The following WARS2 variants were observed in gnomAD, a reference collection of about 807,000 sequenced individuals.
WARS2 encodes the protein tryptophan--tRNA ligase, mitochondrial.
A neutral mutation model predicts 36.5 loss-of-function variants in WARS2; 28 were observed. The ratio of observed to expected loss-of-function variants is 0.77; its 90% confidence interval spans 0.57 to 1.05. The LOEUF (loss-of-function observed/expected upper bound fraction) is 1.05. Among genes scored for constraint, WARS2 ranks in the 50% least tolerant of loss-of-function variants. The pLI is 0.00. For synonymous variants in WARS2, 174 were observed against 178.4 expected, an observed-to-expected ratio of 0.98 and a Z score of 0.20; for missense variants, 435 against 456.8, an observed-to-expected ratio of 0.95 and a Z score of 0.44.
intron 1 of WARS2, among the ~76,000 whole-genome samples, chr1:119,095,820 C>T (rs1209451182): frequency 6.6e-6 from 1 of 152,176 alleles, no homozygotes; most frequent in Non-Finnish European, 1.5e-5. Flanking sequence ...AACTGGCAAT[C>T]TATATAGAGA....
intron 1 of WARS2, among the ~76,000 whole-genome samples, chr1:119,078,157 C>G (rs779126986): frequency 6.6e-6 from 1 of 152,142 alleles, no homozygotes; most frequent in African/African-American, 2.4e-5. Context: ...GACTTCAAAG[C>G]CCATGTATGC....
At chr1:119,047,021 T>C (rs1369007387) in intron 2 of WARS2, among the ~76,000 whole-genome samples, 1 of 152,220 alleles carries the variant, frequency 6.6e-6, no homozygotes, top group Non-Finnish European at 1.5e-5. Context: ...GAATCACTTT[T>C]AAAGTTTTGC....
chr1:119,085,782 T>C, intron 1 of WARS2: 5 of 1,604,250 alleles, frequency 3.1e-6, no homozygotes, highest in Admixed American at 1.7e-5. Flanking sequence ...CTCCCCATAC[T>C]GTGAGAACAC....
intron 1 of WARS2, among the ~76,000 whole-genome samples, chr1:119,102,188 G>A (rs1165310814): frequency 6.6e-6 from 1 of 152,184 alleles, no homozygotes; most frequent in East Asian, 1.9e-4. Flanking sequence ...GTTGAGGAGT[G>A]GGAACACAAC....
intron 1 of WARS2, among the ~76,000 whole-genome samples, chr1:119,138,101 T>C (rs936317664): frequency 2.2e-4 from 34 of 152,148 alleles, no homozygotes; most frequent in Admixed American, 2.0e-3. Context: ...ATATGATAAA[T>C]ATACATTTTT....
chr1:119,032,867 G>T lies in WARS2; in HGVS notation c.*44C>A. 6.6e-7 allele frequency: 1 copy of T among 1,526,070 alleles called. No homozygotes were observed. The highest frequency in any genetic ancestry group is 1.2e-5 in the South Asian group (1 of 81,218). The allele number at this position is 1,526,070 out of a possible 1,614,324, so 94.5% of individuals were successfully genotyped here. On this transcript the variant is annotated 3_prime_UTR_variant, in exon 6 of 6. Coordinates refer to ENST00000235521, the MANE Select transcript of WARS2 (RefSeq NM_015836.4). ...GAAAGCTGCCGTTATCAGAATGCAT[G>T]GAGTGCAAGGCACAAAAGCCTTGCT...
chr1:119,138,578 C>A (rs1001844426), intron 1 of WARS2, among the ~76,000 whole-genome samples: 23 of 152,114 alleles, frequency 1.5e-4, no homozygotes, highest in Admixed American at 1.4e-3. Context: ...TGTTTGTTCC[C>A]TTCCAGGCTT....
rs555647551 is a variant in WARS2, at chr1:119,062,321, G to A, written c.348+14029C>T. 4.9e-3 allele frequency among the ~76,000 whole-genome samples: 743 copies of A among 152,194 alleles called. 5 individuals are homozygous for A. The highest frequency in any genetic ancestry group is 0.017 in the Middle Eastern group (5 of 294). ...TAGACTAGTACCAAACATAACCTGT[G>A]GTGGTCTCATGATTCTGAATATTTA... On this transcript the variant is annotated intron_variant, in intron 2 of 5. Transcript: ENST00000235521.
chr1:119,067,484 C>T (rs1403676112), intron 2 of WARS2, among the ~76,000 whole-genome samples: 1 of 152,136 alleles, frequency 6.6e-6, no homozygotes, highest in Non-Finnish European at 1.5e-5. Flanking sequence ...CTCAAAAAAC[C>T]TTAGACAACA....
intron 1 of WARS2, among the ~76,000 whole-genome samples, chr1:119,109,682 A>G (rs1356095169): frequency 6.6e-6 from 1 of 151,922 alleles, no homozygotes; most frequent in Non-Finnish European, 1.5e-5. Context: ...TGGTATATTT[A>G]AACCAATGAC....
At chr1:119,065,858 A>T (rs1650799702) in intron 2 of WARS2, among the ~76,000 whole-genome samples, 1 of 152,210 alleles carries the variant, frequency 6.6e-6, no homozygotes, top group Non-Finnish European at 1.5e-5. Context: ...TATATCCATC[A>T]TTATGCGTTA....
At chr1:119,067,946 G>T (rs1019147325) in intron 2 of WARS2, among the ~76,000 whole-genome samples, 12 of 152,124 alleles carry the variant, frequency 7.9e-5, no homozygotes, top group Non-Finnish European at 1.6e-4. Context: ...TCACACAGGA[G>T]CATAGATCCA....
chr1:119,055,486 A>G (rs1371935125), intron 2 of WARS2, among the ~76,000 whole-genome samples: 1 of 152,092 alleles, frequency 6.6e-6, no homozygotes, highest in Non-Finnish European at 1.5e-5. Context: ...ATGGTGGTAC[A>G]AAAAGGTTAG....
chr1:119,115,481 C>A (rs907460820), intron 1 of WARS2, among the ~76,000 whole-genome samples: 1 of 152,148 alleles, frequency 6.6e-6, no homozygotes, highest in Admixed American at 6.5e-5. Context: ...GATGCCCTGA[C>A]ATGTTATTTT....
In WARS2 at chr1:119,033,040, C is replaced by G. The variant is rs530414325; in HGVS notation, c.954G>C (p.Lys318Asn). The G allele has an allele frequency of 8.5e-5, 138 of 1,614,114 alleles. No individual in the cohort carries two copies. Among genetic ancestry groups the G allele is most frequent in the Middle Eastern group, 1.6e-4 (1 of 6,084 alleles). Reference protein sequence around the residue: ...DAVIEKFAPIKREIEKLKLDK... With the variant: ...DAVIEKFAPINREIEKLKLDK... ...CCAGCTTCAGTTTTTCAATTTCACG[C>G]TTAATTGGGGCAAACTTCTCAATCA... The change falls in exon 6 of 6, where the codon AAG (lysine) becomes AAC (asparagine). Residue 318 changes from lysine to asparagine, a missense_variant. By Grantham distance (94) the Lys-to-Asn change is moderately conservative. Coordinates refer to ENST00000235521, the MANE Select transcript of WARS2 (RefSeq NM_015836.4).
At chr1:119,093,916 A>G (rs1020353108) in intron 1 of WARS2, among the ~76,000 whole-genome samples, 1 of 152,214 alleles carries the variant, frequency 6.6e-6, no homozygotes, top group South Asian at 2.1e-4. Context: ...AGACTGTGCA[A>G]GACCTGGGGC....
chr1:119,096,176 T>G (rs1008137189), intron 1 of WARS2, among the ~76,000 whole-genome samples: 3 of 152,224 alleles, frequency 2.0e-5, no homozygotes, highest in Non-Finnish European at 4.4e-5. Flanking sequence ...TTAAAAATTG[T>G]TATTAAGTTA....
intron 2 of WARS2, among the ~76,000 whole-genome samples, chr1:119,074,111 GA>G (rs1201532791): frequency 6.6e-6 from 1 of 152,198 alleles, no homozygotes; most frequent in East Asian, 1.9e-4. Context: ...TAGATGAAGT[GA>G]AGATGATGTG....
At position 119,045,633 on chromosome 1, in the gene WARS2, G is replaced by A. The variant is rs1158638528; in HGVS notation, c.378C>T (p.Ile126=). The A allele has an allele frequency of 6.3e-7, 1 of 1,593,400 alleles. No homozygotes were observed. Among genetic ancestry groups the A allele is most frequent in the Non-Finnish European group, 8.6e-7 (1 of 1,166,786 alleles). ...QVSEHTQLSW[I]LSCMVRLPRL... is the part of the protein sequence containing the mutation. ...GAGGTAGTCTGACCATGCAGGAAAGGATCCAACTTAATTGTGTGTGTTCAG... is the reference window on the plus strand; with the variant it reads ...GAGGTAGTCTGACCATGCAGGAAAGAATCCAACTTAATTGTGTGTGTTCAG... Residue 126 remains isoleucine, a synonymous_variant, in exon 3 of 6, where the codon ATC becomes ATT. Transcript: ENST00000235521.
Sources: allele counts gnomAD v4.1 joint callset (sites outside exome capture counted in the v4.1 genomes callset), GRCh38; gene constraint gnomAD v4.1.1; transcripts MANE v1.5; gene names NCBI Gene and HGNC (gene_info 2026-07-23, HGNC 2026-07-21).